The following WDFY2 variants were observed in gnomAD, a reference collection of about 807,000 sequenced individuals.
WDFY2 encodes the protein WD repeat and FYVE domain-containing protein 2.
WDFY2 carries 36 observed loss-of-function variants against 56.4 expected under a neutral mutation model. The ratio of observed to expected loss-of-function variants is 0.64; its 90% CI spans 0.49 to 0.84. The LOEUF (loss-of-function observed/expected upper bound fraction) is 0.84. Among genes scored for constraint, WDFY2 ranks in the 40% least tolerant of loss-of-function variants. WDFY2 has a pLI of 0.00. For synonymous variants in WDFY2, 176 were observed against 183.7 expected (o/e 0.96, Z 0.34); for missense variants, 444 against 512.2 (o/e 0.87, Z 1.29).
Position 51,763,790 on chromosome 13 carries a change from C to A in WDFY2, c.*4021C>A, listed in dbSNP as rs1003546384. 1 of 152,130 alleles carries A rather than the reference C, an allele frequency of 6.6e-6. No individual in the cohort carries two copies. Among genetic ancestry groups the A allele is most frequent in the African/African-American group, 2.4e-5 (1 of 41,440 alleles). The allele number at this position is 152,130 out of a possible 1,614,324, so 9.4% of individuals were successfully genotyped here. A position where few individuals can be genotyped will look rare whatever the true frequency, so the allele number is the denominator to read the frequency against. On this transcript the variant is annotated 3_prime_UTR_variant, in exon 12 of 12. Coordinates refer to ENST00000298125, the MANE Select transcript of WDFY2 (RefSeq NM_052950.4). ...TCCAGCCTGGGCAGCAGAGCAAGGC[C>A]CTGAATAAATAAACAAAAGTATAAT...
At position 51,714,437 on chromosome 13, in the gene WDFY2, G is replaced by A. The variant is rs1311469893; in HGVS notation, c.335-4761G>A. Among the ~76,000 whole-genome samples, 15 of 152,174 alleles carry A rather than the reference G, an allele frequency of 9.9e-5. No individual in the cohort carries two copies. The East Asian group carries it at 1.5e-3, about 16-fold the overall frequency. Reference sequence around the variant, plus strand: ...CTCCCAAGTAGCTGGAATTACAGGCGCTTGCCACCATGCCCGGCTAATTTT... The same window carrying A: ...CTCCCAAGTAGCTGGAATTACAGGCACTTGCCACCATGCCCGGCTAATTTT... On this transcript the variant is annotated intron_variant, in intron 4 of 11. Coordinates refer to ENST00000298125, the MANE Select transcript of WDFY2 (RefSeq NM_052950.4).
At chr13:51,664,779 G>C (rs1955672090) in intron 2 of WDFY2, among the ~76,000 whole-genome samples, 1 of 152,188 alleles carries the variant, frequency 6.6e-6, no homozygotes, top group Non-Finnish European at 1.5e-5. Context: ...AGAAAGGACT[G>C]AGTCATGGCC....
At chr13:51,654,019 G>A (rs575697733) in intron 1 of WDFY2, among the ~76,000 whole-genome samples, 2 of 152,330 alleles carry the variant, frequency 1.3e-5, no homozygotes, top group South Asian at 2.1e-4. Flanking sequence ...GTCTACAGAG[G>A]CAGACGCCTC....
chr13:51,721,240 A>G (rs1370331271), intron 5 of WDFY2, among the ~76,000 whole-genome samples: 1 of 152,144 alleles, frequency 6.6e-6, no homozygotes, highest in African/African-American at 2.4e-5. Flanking sequence ...AAATCCTCAC[A>G]AGAACCCAGG....
chr13:51,664,387 G>A (rs1334419503), intron 2 of WDFY2, among the ~76,000 whole-genome samples: 1 of 152,216 alleles, frequency 6.6e-6, no homozygotes, highest in Non-Finnish European at 1.5e-5. Context: ...AGCCTGGGCA[G>A]GGCCATTTTA....
intron 5 of WDFY2, among the ~76,000 whole-genome samples, chr13:51,726,297 G>A (rs1202819518): frequency 2.6e-5 from 4 of 152,148 alleles, no homozygotes; most frequent in Admixed American, 2.0e-4. Context: ...TACCCCAGCT[G>A]CATAATATTC....
At chr13:51,644,198 A>G (rs1030690488) in intron 1 of WDFY2, among the ~76,000 whole-genome samples, 2 of 152,172 alleles carry the variant, frequency 1.3e-5, no homozygotes, top group Non-Finnish European at 2.9e-5. Flanking sequence ...TTAAATTACT[A>G]AAAAAACAAA....
intron 3 of WDFY2, among the ~76,000 whole-genome samples, chr13:51,698,787 A>G (rs1316302017): frequency 6.6e-6 from 1 of 152,256 alleles, no homozygotes; most frequent in African/African-American, 2.4e-5. Context: ...ATTTTAACTC[A>G]TAATGCCATG....
intron 3 of WDFY2, among the ~76,000 whole-genome samples, chr13:51,678,212 T>C (rs7997180): frequency 3.3e-5 from 5 of 152,300 alleles, no homozygotes; most frequent in African/African-American, 9.6e-5. Flanking sequence ...TATTTAACTT[T>C]TGCTTTGCAC....
chr13:51,723,749 G>T (rs1566185028), intron 5 of WDFY2, among the ~76,000 whole-genome samples: 1 of 152,160 alleles, frequency 6.6e-6, no homozygotes, highest in Non-Finnish European at 1.5e-5. Flanking sequence ...GGCAGTTCGG[G>T]TGGTGACAGC....
chr13:51,689,062 T>A (rs886738200), intron 3 of WDFY2, among the ~76,000 whole-genome samples: 3 of 152,202 alleles, frequency 2.0e-5, no homozygotes, highest in Admixed American at 1.3e-4. Flanking sequence ...ACTGAATAAC[T>A]TCCAAGAGCA....
intron 10 of WDFY2, among the ~76,000 whole-genome samples, chr13:51,757,771 G>C (rs1228525261): frequency 6.6e-6 from 1 of 151,434 alleles, no homozygotes; most frequent in African/African-American, 2.4e-5. Flanking sequence ...AATGGAGGGG[G>C]ATAGTTTTCC....
Position 51,668,594 on chromosome 13 carries a change from A to G in WDFY2, c.206-6576A>G, listed in dbSNP as rs9316554. 7.5e-3 allele frequency among the ~76,000 whole-genome samples: 1,144 copies of G among 152,338 alleles called. 10 individuals are homozygous for G. Among genetic ancestry groups the G allele is most frequent in the African/African-American group, 0.026 (1,101 of 41,574 alleles). On this transcript the variant is annotated intron_variant, in intron 2 of 11. Coordinates refer to ENST00000298125, the MANE Select transcript of WDFY2 (RefSeq NM_052950.4). ...AGCAGGGCTGAATGAAATAGTGTCC[A>G]TGAATTAAATTTTTGCTTTGTCGGG... is the stretch of plus-strand genomic sequence containing the variant.
At chr13:51,703,718 C>A in intron 4 of WDFY2, 68 bp downstream of exon 4, 2 of 1,242,334 alleles carry the variant, frequency 1.6e-6, no homozygotes, top group African/African-American at 1.5e-5. Context: ...TTCACTGCCA[C>A]AAGAGAATAC....
At chr13:51,618,515 G>A (rs1260400855) in intron 1 of WDFY2, among the ~76,000 whole-genome samples, 1 of 152,024 alleles carries the variant, frequency 6.6e-6, no homozygotes, top group African/African-American at 2.4e-5. Context: ...ACAAATGAGT[G>A]GACATAGAAT....
At chr13:51,595,414 A>C (rs1232700182) in intron 1 of WDFY2, among the ~76,000 whole-genome samples, 1 of 152,208 alleles carries the variant, frequency 6.6e-6, no homozygotes, top group African/African-American at 2.4e-5. Flanking sequence ...AGGTTTAAAC[A>C]TATGGACTTC....
At position 51,767,695 on chromosome 13, in the gene WDFY2, G is replaced by C. The variant is rs996154766; in HGVS notation, c.*7926G>C. ...AATGTAAACTAGGCCTCATTAAATTGTTTGTGTAAATATGCATCGTCCCTT... is the reference window on the plus strand; with the variant it reads ...AATGTAAACTAGGCCTCATTAAATTCTTTGTGTAAATATGCATCGTCCCTT... On this transcript the variant is annotated 3_prime_UTR_variant, in exon 12 of 12. Coordinates refer to ENST00000298125, the MANE Select transcript of WDFY2 (RefSeq NM_052950.4). 6.7e-6 allele frequency: 1 copy of C among 149,456 alleles called. No individual in the cohort carries two copies. Among genetic ancestry groups the C allele is most frequent in the Admixed American group, 6.9e-5 (1 of 14,414 alleles). The allele number at this position is 149,456 out of a possible 1,614,324, so 9.3% of individuals were successfully genotyped here. A position where few individuals can be genotyped will look rare whatever the true frequency, so the allele number is the denominator to read the frequency against.
At chr13:51,728,918 C>T (rs1050135735) in intron 6 of WDFY2, among the ~76,000 whole-genome samples, 7 of 152,130 alleles carry the variant, frequency 4.6e-5, no homozygotes, top group Admixed American at 2.0e-4. Flanking sequence ...AACTTCTGTG[C>T]GTCACTGCAG....
At chr13:51,675,740 A>G (rs567116215) in intron 3 of WDFY2, among the ~76,000 whole-genome samples, 3 of 152,232 alleles carry the variant, frequency 2.0e-5, no homozygotes, top group South Asian at 4.1e-4. Context: ...GTAAATTTGT[A>G]TGAATTTGTG....
Sources: gnomAD v4.1 joint callset for allele counts (sites outside exome capture counted in the v4.1 genomes callset) on GRCh38, gnomAD v4.1.1 for gene constraint, MANE v1.5 for transcripts, NCBI Gene and HGNC (gene_info 2026-07-23, HGNC 2026-07-21) for gene names.